The following RYR3 variants were observed in gnomAD, a reference collection of about 807,000 sequenced individuals.
The protein encoded by RYR3 is brain ryanodine receptor-calcium release channel.
In RYR3, 207 loss-of-function variants were observed where a neutral mutation model predicts 584.3. The observed-to-expected ratio is 0.35, with a 90% CI of 0.32 to 0.40. RYR3 has a LOEUF of 0.40. RYR3 is among the 10% of genes least tolerant of loss of function. RYR3 has a pLI of 1.00. For missense variants in RYR3, 5,616 were observed against 6,089.2 expected (o/e 0.92, Z 2.59); for synonymous variants, 2,416 against 2,248.5 (o/e 1.07, Z -2.11).
At chr15:33,463,615 TGA>T (rs1357744599) in intron 1 of RYR3, among the ~76,000 whole-genome samples, 2 of 152,164 alleles carry the variant, frequency 1.3e-5, no homozygotes, top group African/African-American at 4.8e-5. Flanking sequence ...ATGTTCTGCC[TGA>T]GAGAGAATTA....
At chr15:33,762,190 C>T (rs1202720753) in intron 60 of RYR3, among the ~76,000 whole-genome samples, 16 of 152,078 alleles carry the variant, frequency 1.1e-4, no homozygotes, top group African/African-American at 3.4e-4. Context: ...CTTAGAAAAC[C>T]GGCACTGTAC....
At position 33,674,329 on chromosome 15, in the gene RYR3, A is replaced by G. The variant is rs111511266; in HGVS notation, c.5860+3773A>G. On this transcript the variant is annotated intron_variant, in intron 38 of 103. Coordinates refer to ENST00000634891, the MANE Select transcript of RYR3 (RefSeq NM_001036.6). ...AGCCTCTTCTCTAAATTCTCTCCAA[A>G]GAGCCTCTCCCTAAACACACACACA... Among the ~76,000 whole-genome samples, 503 of 152,272 alleles carry G rather than the reference A, an allele frequency of 3.3e-3. 7 individuals are homozygous for G. Among genetic ancestry groups the G allele is most frequent in the African/African-American group, 0.011 (457 of 41,550 alleles).
intron 89 of RYR3, among the ~76,000 whole-genome samples, chr15:33,840,381 G>A (rs980401679): frequency 6.6e-6 from 1 of 152,188 alleles, no homozygotes; most frequent in Admixed American, 6.5e-5. Flanking sequence ...TGAGGAGCTT[G>A]AATTTTACTC....
intron 85 of RYR3, among the ~76,000 whole-genome samples, chr15:33,829,660 G>A (rs1354064926): frequency 1.3e-5 from 2 of 151,910 alleles, no homozygotes; most frequent in East Asian, 3.9e-4. Context: ...GGCTGAGGCA[G>A]GAGAATGGCG....
chr15:33,540,206 A>G (rs149538984), intron 6 of RYR3, among the ~76,000 whole-genome samples: 76 of 152,312 alleles, frequency 5.0e-4, no homozygotes, highest in Non-Finnish European at 7.9e-4. Flanking sequence ...GGGAAGAACA[A>G]GAAAGGATCG....
chr15:33,624,366 T>G (rs1180455198), intron 20 of RYR3, among the ~76,000 whole-genome samples: 2 of 152,242 alleles, frequency 1.3e-5, no homozygotes, highest in African/African-American at 4.8e-5. Flanking sequence ...ATGGACAGTA[T>G]GCACCAGTAA....
At chr15:33,720,666 C>G (rs2067839375) in intron 43 of RYR3, among the ~76,000 whole-genome samples, 1 of 152,138 alleles carries the variant, frequency 6.6e-6, no homozygotes, top group South Asian at 2.1e-4. Context: ...GAGTTTGAGG[C>G]CAGCCTGGGC....
chr15:33,617,047 T>C (rs1168163330), intron 19 of RYR3, among the ~76,000 whole-genome samples: 3 of 152,210 alleles, frequency 2.0e-5, no homozygotes. Flanking sequence ...TGTACTACTT[T>C]AGTTCAGTTG....
chr15:33,444,672 G>A (rs959888134), intron 1 of RYR3, among the ~76,000 whole-genome samples: 4 of 152,186 alleles, frequency 2.6e-5, no homozygotes, highest in East Asian at 3.9e-4. Flanking sequence ...AATTACATTG[G>A]AGGCTTAGAC....
intron 76 of RYR3, 51 bp from the exon 77 acceptor site, chr15:33,819,705 A>C (rs2077008606): frequency 1.7e-5 from 16 of 931,832 alleles, no homozygotes; most frequent in Non-Finnish European, 2.2e-5. Flanking sequence ...TAAATAAATA[A>C]ATAAATAAAT....
At chr15:33,459,921 T>C (rs1356398288) in intron 1 of RYR3, among the ~76,000 whole-genome samples, 5 of 152,046 alleles carry the variant, frequency 3.3e-5, no homozygotes, top group Admixed American at 6.6e-5. Flanking sequence ...ATGATGAGGA[T>C]ATGGAACAAA....
chr15:33,530,105 A>G (rs955239199), intron 3 of RYR3, among the ~76,000 whole-genome samples: 3 of 152,184 alleles, frequency 2.0e-5, no homozygotes, highest in Non-Finnish European at 4.4e-5. Context: ...AGATCTGTGT[A>G]TAAAGGACCC....
chr15:33,775,581 G>T (rs62010990), intron 64 of RYR3, among the ~76,000 whole-genome samples: 32,042 of 152,128 alleles, frequency 0.21, 4,068 homozygotes, highest in Non-Finnish European at 0.28. Context: ...CTTGTGTTTA[G>T]TGATTTAATG....
chr15:33,708,402 C>T (rs1018841930), intron 43 of RYR3, among the ~76,000 whole-genome samples: 5 of 152,148 alleles, frequency 3.3e-5, no homozygotes, highest in African/African-American at 9.7e-5. Flanking sequence ...CTACCTGGAT[C>T]GTGAAGGTAA....
At chr15:33,779,103 A>G (rs2074215893) in intron 64 of RYR3, among the ~76,000 whole-genome samples, 1 of 152,130 alleles carries the variant, frequency 6.6e-6, no homozygotes, top group Non-Finnish European at 1.5e-5. Flanking sequence ...TCTCTAGTTC[A>G]GCAGATTTAT....
intron 3 of RYR3, among the ~76,000 whole-genome samples, chr15:33,524,930 C>A (rs1336128059): frequency 6.6e-6 from 1 of 152,120 alleles, no homozygotes; most frequent in African/African-American, 2.4e-5. Flanking sequence ...GTTGGTGTTT[C>A]CATTGTTCTG....
chr15:33,748,017 C>A, intron 53 of RYR3, 97 bp from the exon 54 acceptor site: 2 of 1,137,698 alleles, frequency 1.8e-6, no homozygotes, highest in Non-Finnish European at 2.6e-6. Context: ...TAACTAGCAC[C>A]CCCACCCACA....
intron 2 of RYR3, among the ~76,000 whole-genome samples, chr15:33,482,737 A>G (rs1406790863): frequency 6.6e-6 from 1 of 152,140 alleles, no homozygotes; most frequent in Non-Finnish European, 1.5e-5. Flanking sequence ...AGCAATCTGA[A>G]TGATGTGTTT....
intron 1 of RYR3, among the ~76,000 whole-genome samples, chr15:33,335,971 AAG>A (rs1970915487): frequency 6.6e-6 from 1 of 152,176 alleles, no homozygotes; most frequent in African/African-American, 2.4e-5. Flanking sequence ...ATAAATGATA[AAG>A]ACAAGAACAG....
Sources: allele counts gnomAD v4.1 joint callset (sites outside exome capture counted in the v4.1 genomes callset), GRCh38; gene constraint gnomAD v4.1.1; transcripts MANE v1.5; gene names NCBI Gene and HGNC (gene_info 2026-07-23, HGNC 2026-07-21).